MRTFA: variants seen among roughly 807,000 people sequenced by gnomAD.
The protein encoded by MRTFA is myocardin-related transcription factor A.
A neutral mutation model predicts 83.5 loss-of-function variants in MRTFA; 20 were observed. The observed-to-expected ratio is 0.24, with a 90% CI of 0.17 to 0.35. The LOEUF is 0.35. MRTFA is among the 10% of genes least tolerant of loss of function. The pLI is 1.00. For synonymous variants in MRTFA, 659 were observed against 541.2 expected, an observed-to-expected ratio of 1.22 and a Z score of -3.02; for missense variants, 1,200 against 1,224.7, an observed-to-expected ratio of 0.98 and a Z score of 0.30.
intron 3 of MRTFA, among the ~76,000 whole-genome samples, chr22:40,490,561 T>C (rs544646410): frequency 2.0e-5 from 3 of 148,462 alleles, no homozygotes; most frequent in South Asian, 4.2e-4. Flanking sequence ...ATTGCGCCAC[T>C]GCACTCCAGC....
chr22:40,444,640 G>A (rs2053341750), intron 4 of MRTFA, among the ~76,000 whole-genome samples: 1 of 152,198 alleles, frequency 6.6e-6, no homozygotes. Context: ...TGCTATTAAG[G>A]ATTGCATCCT....
chr22:40,569,294 A>G (rs1027400758), intron 2 of MRTFA: 3 of 204,154 alleles, frequency 1.5e-5, no homozygotes, highest in Middle Eastern at 6.0e-4. Flanking sequence ...CACCATGGCA[A>G]AAGACATCAA....
At chr22:40,467,299 T>G (rs774520168) in intron 3 of MRTFA, among the ~76,000 whole-genome samples, 14 of 152,212 alleles carry the variant, frequency 9.2e-5, no homozygotes, top group Non-Finnish European at 1.6e-4. Flanking sequence ...AAACTCAGAA[T>G]TATGGCAGTC....
chr22:40,489,884 C>T (rs528432204), intron 3 of MRTFA, among the ~76,000 whole-genome samples: 1 of 143,414 alleles, frequency 7.0e-6, no homozygotes, highest in South Asian at 2.2e-4. Flanking sequence ...GAGGCTGAGG[C>T]AAGAGAATCG....
At chr22:40,506,117 C>T (rs923680631) in intron 3 of MRTFA, among the ~76,000 whole-genome samples, 1 of 151,982 alleles carries the variant, frequency 6.6e-6, no homozygotes, top group Non-Finnish European at 1.5e-5. Flanking sequence ...GCCTATAGTC[C>T]CAGCTACTTG....
At chr22:40,433,539 T>G (rs2053110636) in intron 5 of MRTFA, 1 of 158,846 alleles carries the variant, frequency 6.3e-6, no homozygotes, top group African/African-American at 2.4e-5. Context: ...GCCCCTCAAG[T>G]GTGATCCTGA....
intron 5 of MRTFA, 138 bp downstream of exon 5, chr22:40,435,361 G>A: frequency 2.3e-6 from 2 of 867,476 alleles, no homozygotes; most frequent in South Asian, 2.8e-5. Context: ...AAAACCACAA[G>A]GCCAGGGCTG....
intron 4 of MRTFA, among the ~76,000 whole-genome samples, chr22:40,441,079 A>C (rs2053265990): frequency 6.6e-6 from 1 of 152,200 alleles, no homozygotes; most frequent in Non-Finnish European, 1.5e-5. Flanking sequence ...CCCAAAGACC[A>C]ATGCAAAGAC....
rs556594618 is a variant in MRTFA, at chr22:40,461,581, G to A, written c.307+1640C>T. Reference sequence around the variant, plus strand: ...AGGAGGATCACGAGGCCAAGAGATCGAGACCAACCTGGCTCATACGGTGAA... The same window carrying A: ...AGGAGGATCACGAGGCCAAGAGATCAAGACCAACCTGGCTCATACGGTGAA... On this transcript the variant is annotated intron_variant, in intron 4 of 14. Coordinates refer to ENST00000355630, the MANE Select transcript of MRTFA (RefSeq NM_020831.6). Among the ~76,000 whole-genome samples the A allele has an allele frequency of 2.2e-4, 32 of 146,568 alleles. No individual in the cohort carries two copies. In the East Asian group the frequency reaches 5.8e-3, roughly 27 times the overall value.
At chr22:40,487,481 AT>A (rs1470931480) in intron 3 of MRTFA, among the ~76,000 whole-genome samples, 1 of 152,180 alleles carries the variant, frequency 6.6e-6, no homozygotes, top group African/African-American at 2.4e-5. Flanking sequence ...CATTGGCAAG[AT>A]CAAACCAAGA....
chr22:40,495,778 T>C (rs927525252), intron 3 of MRTFA, among the ~76,000 whole-genome samples: 1 of 130,240 alleles, frequency 7.7e-6, no homozygotes, highest in Non-Finnish European at 1.6e-5. Context: ...AAAAAAAAAG[T>C]ACACTGTCTG....
intron 4 of MRTFA, among the ~76,000 whole-genome samples, chr22:40,459,782 T>TACAC (rs745698441): frequency 0.057 from 5,058 of 88,588 alleles, 212 homozygotes; most frequent in East Asian, 0.16. Flanking sequence ...TGATAAAATA[T>TACAC]ACACACACAC....
intron 3 of MRTFA, among the ~76,000 whole-genome samples, chr22:40,503,012 T>C (rs2054522103): frequency 6.6e-6 from 1 of 152,020 alleles, no homozygotes; most frequent in Non-Finnish European, 1.5e-5. Flanking sequence ...CCACACACCC[T>C]CATCTACGCA....
chr22:40,488,911 T>TA (rs1324382948), intron 3 of MRTFA, among the ~76,000 whole-genome samples: 1 of 152,202 alleles, frequency 6.6e-6, no homozygotes, highest in Non-Finnish European at 1.5e-5. Flanking sequence ...GACTTGTGGC[T>TA]AACATATTGT....
intron 2 of MRTFA, among the ~76,000 whole-genome samples, chr22:40,589,636 G>A (rs2056088945): frequency 6.6e-6 from 1 of 152,198 alleles, no homozygotes; most frequent in Non-Finnish European, 1.5e-5. Flanking sequence ...AAGTACAACT[G>A]TGAAAAGGTT....
intron 3 of MRTFA, among the ~76,000 whole-genome samples, chr22:40,521,162 A>G (rs552912443): frequency 1.3e-4 from 20 of 152,318 alleles, no homozygotes; most frequent in African/African-American, 4.6e-4. Flanking sequence ...ACTACAGTAC[A>G]ATATTACAAC....
Position 40,418,937 on chromosome 22 carries a change from C to T in MRTFA, c.1801G>A (p.Glu601Lys). 2.5e-6 allele frequency: 4 copies of T among 1,612,824 alleles called. No individual in the cohort carries two copies. The highest frequency in any genetic ancestry group is 1.1e-5 in the South Asian group (1 of 91,080). ...CAACAGGACCCGGCCCGGGGGCCCT[C>T]CTCCTTCACGAGGATCTGCAGTGGC... The change falls in exon 12 of 15, where the codon GAG becomes AAG. Residue 601 changes from glutamate (E) to lysine (K), a missense_variant. Coordinates refer to ENST00000355630, the MANE Select transcript of MRTFA (RefSeq NM_020831.6).
intron 3 of MRTFA, among the ~76,000 whole-genome samples, chr22:40,474,522 T>C (rs1226533961): frequency 2.0e-5 from 3 of 152,236 alleles, no homozygotes; most frequent in Non-Finnish European, 4.4e-5. Context: ...CTAGAGTTCA[T>C]GTACTAGTTG....
Position 40,411,444 on chromosome 22 carries a change from G to GGAGAA in MRTFA, c.3037_3041dup (p.Thr1015SerfsTer54). On this transcript the variant is annotated frameshift_variant, in exon 15 of 15. Transcript: ENST00000355630. LOFTEE classifies it high-confidence loss of function. The stretch of plus-strand genomic sequence containing the variant: ...AATCATGGCCATCGAGGAAGTCTGT[G>GGAGAA]GAGAAGAGGCTGGGGGCTGTGGTGC... 6.3e-7 allele frequency: 1 copy of GGAGAA among 1,592,782 alleles called. No individual in the cohort carries two copies.
Sources: allele counts gnomAD v4.1 joint callset (sites outside exome capture counted in the v4.1 genomes callset), GRCh38; gene constraint gnomAD v4.1.1; transcripts MANE v1.5; gene names NCBI Gene and HGNC (gene_info 2026-07-23, HGNC 2026-07-21).